The following BLOC1S2 variants were observed in gnomAD, a reference collection of about 807,000 sequenced individuals.
BLOC1S2 encodes biogenesis of lysosomal organelles complex 1 subunit 2.
In BLOC1S2, 12 loss-of-function variants were observed where a neutral mutation model predicts 19.6. That is an observed-to-expected ratio of 0.61 (90% confidence interval 0.39 to 0.99). The LOEUF is 0.99. BLOC1S2 is among the 50% of genes least tolerant of loss of function. BLOC1S2 has a pLI of 0.00. For synonymous variants in BLOC1S2, 66 were observed against 64.1 expected (o/e 1.03, Z -0.14); for missense variants, 142 against 171.0 (o/e 0.83, Z 0.95).
intron 4 of BLOC1S2, among the ~76,000 whole-genome samples, chr10:100,276,512 C>T (rs1847873607): frequency 1.4e-5 from 2 of 144,606 alleles, no homozygotes; most frequent in African/African-American, 5.1e-5. Flanking sequence ...TCTCCCGTCT[C>T]CCTCTCCCTC....
intron 4 of BLOC1S2, among the ~76,000 whole-genome samples, chr10:100,279,212 A>G (rs1487008498): frequency 6.6e-6 from 1 of 152,240 alleles, no homozygotes; most frequent in Non-Finnish European, 1.5e-5. Context: ...TTTCTTCCTC[A>G]AAGGAAAAGT....
chr10:100,284,555 G>A (rs71488053), intron 2 of BLOC1S2, among the ~76,000 whole-genome samples: 11,403 of 152,090 alleles, frequency 0.075, 578 homozygotes, highest in African/African-American at 0.14. Context: ...GCAATGGCAC[G>A]ATCACAGCTC....
At chr10:100,284,757 C>G (rs1180041896) in intron 2 of BLOC1S2, among the ~76,000 whole-genome samples, 3 of 152,064 alleles carry the variant, frequency 2.0e-5, no homozygotes, top group Non-Finnish European at 2.9e-5. Flanking sequence ...TCCCGAAGTG[C>G]TGGGATTACA....
intron 4 of BLOC1S2, among the ~76,000 whole-genome samples, chr10:100,277,031 C>T (rs1160234187): frequency 4.3e-5 from 6 of 139,690 alleles, no homozygotes; most frequent in African/African-American, 8.3e-5. Flanking sequence ...CGTCTCTGCC[C>T]GGCCGCCATC....
intron 2 of BLOC1S2, 107 bp from the exon 3 acceptor site, chr10:100,281,160 A>G: frequency 7.3e-7 from 1 of 1,361,336 alleles, no homozygotes; most frequent in Non-Finnish European, 1.0e-6. Flanking sequence ...AGGAAGTGTC[A>G]AAGGAGTGGG....
intron 4 of BLOC1S2, among the ~76,000 whole-genome samples, chr10:100,275,971 T>C (rs1847838115): frequency 6.6e-6 from 1 of 152,072 alleles, no homozygotes; most frequent in African/African-American, 2.4e-5. Context: ...ATAAGCCTCT[T>C]ACTCTGACAT....
intron 4 of BLOC1S2, among the ~76,000 whole-genome samples, chr10:100,277,664 C>T (rs1438753541): frequency 7.9e-6 from 1 of 126,762 alleles, no homozygotes; most frequent in Non-Finnish European, 1.7e-5. Flanking sequence ...GTGGGGGGCT[C>T]AGCCCCCCCG....
At chr10:100,276,464 GTCTCCC>G (rs1290549984) in intron 4 of BLOC1S2, among the ~76,000 whole-genome samples, 1 of 19,470 alleles carries the variant, frequency 5.1e-5, no homozygotes. Context: ...TCCCTCTCCC[GTCTCCC>G]TCTCCCTCTC....
intron 4 of BLOC1S2, among the ~76,000 whole-genome samples, chr10:100,277,359 G>A (rs1159615462): frequency 1.3e-5 from 2 of 148,364 alleles, no homozygotes; most frequent in African/African-American, 2.5e-5. Context: ...CCGGCCAGCC[G>A]CCCCGTCCGG....
chr10:100,274,618 C>T lies in BLOC1S2; in HGVS notation c.*844G>A. 1 of 198,040 alleles carries T rather than the reference C, an allele frequency of 5.0e-6. No individual in the cohort carries two copies. The allele number at this position is 198,040 out of a possible 1,614,324, so 12.3% of individuals were successfully genotyped here. On this transcript the variant is annotated 3_prime_UTR_variant, in exon 5 of 5. Transcript: ENST00000370372. ...ACCTAGACTGGTCAGTCAGTATGTC[C>T]CATTGTCTGATGTTTTTAGTGTGCA...
At position 100,274,943 on chromosome 10, in the gene BLOC1S2, T is replaced by C; in HGVS notation, c.*519A>G. On this transcript the variant is annotated 3_prime_UTR_variant, in exon 5 of 5. Transcript: ENST00000370372. ...GAATTATTTTAAGATTTTATGTTAT[T>C]TGCAATATTATGGAAAAGTAAGTTA... 1 of 398,766 alleles carries C rather than the reference T, an allele frequency of 2.5e-6. No individual in the cohort carries two copies. The highest frequency in any genetic ancestry group is 4.4e-6 in the Non-Finnish European group (1 of 226,098). The allele number at this position is 398,766 out of a possible 1,614,324, so 24.7% of individuals were successfully genotyped here. A position where few individuals can be genotyped will look rare whatever the true frequency, so the allele number is the denominator to read the frequency against.
intron 2 of BLOC1S2, among the ~76,000 whole-genome samples, chr10:100,281,688 A>G (rs549817915): frequency 9.9e-6 from 1 of 101,122 alleles, no homozygotes; most frequent in South Asian, 2.5e-4. Flanking sequence ...ATCTCAAAAA[A>G]AAAAAATATA....
At position 100,277,157 on chromosome 10, in the gene BLOC1S2, C is replaced by T. The variant is rs1325196083; in HGVS notation, c.398-1664G>A. Among the ~76,000 whole-genome samples the T allele has an allele frequency of 3.3e-5, 5 of 151,960 alleles. No homozygotes were observed. In the East Asian group the frequency reaches 7.8e-4, roughly 24 times the overall value. On this transcript the variant is annotated intron_variant, in intron 4 of 4. Transcript: ENST00000370372. ...GTGGGGAGCGCCTGTGCCCCGCCGC[C>T]CCATCTGGGAGGTGAGGAGCGTCTC... is the stretch of plus-strand genomic sequence containing the variant.
rs1554910961 is a variant in BLOC1S2 at position 100,281,693 on chromosome 10, A to AT, written c.173-641_173-640insA. Reference sequence around the variant, plus strand: ...GTGAGACTCCATCTCAAAAAAAAAAAATATATATATATACACATACACACA... The same window carrying AT: ...GTGAGACTCCATCTCAAAAAAAAAAATATATATATATATACACATACACACA... On this transcript the variant is annotated intron_variant, in intron 2 of 4. Transcript: ENST00000370372. Among the ~76,000 whole-genome samples the AT allele has an allele frequency of 4.4e-3, 617 of 138,884 alleles. 6 individuals are homozygous for AT. Among genetic ancestry groups the AT allele is most frequent in the African/African-American group, 9.6e-3 (342 of 35,612 alleles). The allele number at this position is 138,884 out of a possible 152,430, so 91.1% of individuals were successfully genotyped here.
Position 100,286,610 on chromosome 10 carries a change from G to A in BLOC1S2, c.50C>T (p.Ala17Val), listed in dbSNP as rs752400195. 1 of 1,612,806 alleles carries A rather than the reference G, an allele frequency of 6.2e-7. No homozygotes were observed. Among genetic ancestry groups the A allele is most frequent in the Non-Finnish European group, 8.5e-7 (1 of 1,179,318 alleles). ...TCCCCATCCATTCCGGGTACCTCGGGCGGGCTCATCACTCCGGGTCGCCAG... is the reference window on the plus strand; with the variant it reads ...TCCCCATCCATTCCGGGTACCTCGGACGGGCTCATCACTCCGGGTCGCCAG... The part of the protein sequence containing the change: ...GVLATRSDEP[A>V]RDDAAVETAE... The change falls in exon 1 of 5, where the codon GCC becomes GTC. Residue 17 changes from alanine to valine, a missense_variant. Coordinates refer to ENST00000370372, the MANE Select transcript of BLOC1S2 (RefSeq NM_173809.5).
chr10:100,280,166 C>G lies in BLOC1S2; in HGVS notation c.355G>C (p.Glu119Gln). ...GCATCCAACTTGTAAGCTGCCTGCT[C>G]AAGAGCTGCTACCTGCTCTTCAATG... Reference protein sequence around the residue: ...NVIEEQVAALEQAAYKLDAYS... With the variant: ...NVIEEQVAALQQAAYKLDAYS... Residue 119 changes from glutamate to glutamine, a missense_variant, in exon 4 of 5, where the codon GAG becomes CAG. Around this residue, in one of 2 missense-constraint regions of BLOC1S2, gnomAD observed 94 missense variants for 141.3 expected, o/e 0.67. Coordinates refer to ENST00000370372, the MANE Select transcript of BLOC1S2 (RefSeq NM_173809.5). 6.2e-7 allele frequency: 1 copy of G among 1,613,746 alleles called. No homozygotes were observed. The highest frequency in any genetic ancestry group is 1.3e-5 in the African/African-American group (1 of 75,032).
rs570198806 is a variant in BLOC1S2, at chr10:100,277,988, C to T, written c.397+2136G>A. Among the ~76,000 whole-genome samples the T allele has an allele frequency of 1.1e-3, 123 of 109,140 alleles. 8 individuals are homozygous for T. Among genetic ancestry groups the T allele is most frequent in the African/African-American group, 4.4e-3 (113 of 25,794 alleles). The allele number at this position is 109,140 out of a possible 152,430, so 71.6% of individuals were successfully genotyped here. A position where few individuals can be genotyped will look rare whatever the true frequency, so the allele number is the denominator to read the frequency against. On this transcript the variant is annotated intron_variant, in intron 4 of 4. Coordinates refer to ENST00000370372, the MANE Select transcript of BLOC1S2 (RefSeq NM_173809.5). Reference sequence around the variant, plus strand: ...TGAGGAGCCCCTCTGCCCGGCCAGCCGCCCTGTCCGGGAGGGAGGTGAGGG... The same window carrying T: ...TGAGGAGCCCCTCTGCCCGGCCAGCTGCCCTGTCCGGGAGGGAGGTGAGGG...
rs759803168 is a variant in BLOC1S2, at chr10:100,286,158, G to C, written c.111C>G (p.Ile37Met). ...EEAKEPAEADITELCRDMFSK... is the reference protein window; with the variant it reads ...EEAKEPAEADMTELCRDMFSK... ...AGAACATGTCCCGGCAGAGCTCAGT[G>C]ATGTCAGCTTCAGCAGGCTCCTTTG... The change falls in exon 2 of 5, where the codon ATC (isoleucine) becomes ATG (methionine). Residue 37 changes from isoleucine to methionine, a missense_variant. Coordinates refer to ENST00000370372, the MANE Select transcript of BLOC1S2 (RefSeq NM_173809.5). 1.9e-6 allele frequency: 3 copies of C among 1,614,026 alleles called. No homozygotes were observed. Among genetic ancestry groups the C allele is most frequent in the African/African-American group, 2.7e-5 (2 of 74,900 alleles).
chr10:100,285,541 C>T (rs2134367404), intron 2 of BLOC1S2, among the ~76,000 whole-genome samples: 1 of 152,332 alleles, frequency 6.6e-6, no homozygotes, highest in South Asian at 2.1e-4. Flanking sequence ...GCATGAGCCA[C>T]CGCGCCCTGC....
Sources: gnomAD v4.1 joint callset for allele counts (sites outside exome capture counted in the v4.1 genomes callset) on GRCh38, gnomAD v4.1.1 for gene constraint, gnomAD v4.1.1 regional missense constraint, MANE v1.5 for transcripts, NCBI Gene and HGNC (gene_info 2026-07-23, HGNC 2026-07-21) for gene names.